Variants in PCSK2 observed in about 807,000 individuals in gnomAD.
PCSK2 encodes the protein proprotein convertase subtilisin/kexin type 2.
PCSK2 carries 14 observed loss-of-function variants against 69.7 expected under a neutral mutation model. The observed-to-expected ratio is 0.20, with a 90% CI of 0.13 to 0.31. The LOEUF (loss-of-function observed/expected upper bound fraction) is 0.31, where lower values mean the gene tolerates loss of function less well. Ranked by LOEUF, PCSK2 falls within the 10% of genes least tolerant of loss-of-function variation. The pLI is 1.00. For synonymous variants in PCSK2, 307 were observed against 320.7 expected, an observed-to-expected ratio of 0.96 and a Z score of 0.46; for missense variants, 544 against 842.5, an observed-to-expected ratio of 0.65 and a Z score of 4.39.
At chr20:17,469,188 T>C (rs890005026) in intron 11 of PCSK2, among the ~76,000 whole-genome samples, 6 of 152,256 alleles carry the variant, frequency 3.9e-5, no homozygotes, top group Admixed American at 3.9e-4. Flanking sequence ...GACAGACTTC[T>C]CTGAGCTCTA....
intron 1 of PCSK2, among the ~76,000 whole-genome samples, chr20:17,231,289 C>T (rs1568562912): frequency 6.6e-6 from 1 of 152,060 alleles, no homozygotes; most frequent in African/African-American, 2.4e-5. Context: ...CATTATGCTG[C>T]CAGGTAGTAA....
chr20:17,259,544 T>C (rs1041597117), intron 1 of PCSK2, among the ~76,000 whole-genome samples: 7 of 152,198 alleles, frequency 4.6e-5, no homozygotes, highest in African/African-American at 1.7e-4. Flanking sequence ...TTACCTTGAA[T>C]CATAGAACAA....
At chr20:17,257,873 G>A (rs999842955) in intron 1 of PCSK2, among the ~76,000 whole-genome samples, 4 of 152,156 alleles carry the variant, frequency 2.6e-5, no homozygotes, top group Non-Finnish European at 4.4e-5. Context: ...GCCTTCAATG[G>A]ACATCTTATT....
chr20:17,352,213 G>A (rs1190062663), intron 2 of PCSK2, among the ~76,000 whole-genome samples: 2 of 152,194 alleles, frequency 1.3e-5, no homozygotes, highest in Admixed American at 6.5e-5. Flanking sequence ...ACACAAACAA[G>A]TGGGAAAGCA....
At chr20:17,450,944 A>C (rs2032810606) in intron 8 of PCSK2, among the ~76,000 whole-genome samples, 1 of 152,030 alleles carries the variant, frequency 6.6e-6, no homozygotes, top group Admixed American at 6.6e-5. Flanking sequence ...CCATCCCATA[A>C]CCAGCTCTCA....
chr20:17,246,170 C>A (rs1986764564), intron 1 of PCSK2, among the ~76,000 whole-genome samples: 1 of 152,178 alleles, frequency 6.6e-6, no homozygotes, highest in African/African-American at 2.4e-5. Context: ...AGAGATAATT[C>A]TTTCCAGCAT....
intron 8 of PCSK2, among the ~76,000 whole-genome samples, chr20:17,437,750 C>T (rs73898550): frequency 0.017 from 2,567 of 152,334 alleles, 33 homozygotes; most frequent in African/African-American, 0.043. Flanking sequence ...TCCTTTACTA[C>T]GCTTGGGATG....
intron 1 of PCSK2, among the ~76,000 whole-genome samples, chr20:17,247,252 G>A (rs1184302290): frequency 6.6e-6 from 1 of 152,126 alleles, no homozygotes; most frequent in African/African-American, 2.4e-5. Flanking sequence ...CTGCCTATAA[G>A]AGATTGCATG....
At chr20:17,422,519 T>G (rs1422211935) in intron 6 of PCSK2, among the ~76,000 whole-genome samples, 1 of 152,112 alleles carries the variant, frequency 6.6e-6, no homozygotes, top group African/African-American at 2.4e-5. Flanking sequence ...CAATTTCAAT[T>G]AAAGTTTCAA....
At chr20:17,437,762 T>G (rs2032513470) in intron 8 of PCSK2, among the ~76,000 whole-genome samples, 1 of 152,216 alleles carries the variant, frequency 6.6e-6, no homozygotes, top group Admixed American at 6.5e-5. Flanking sequence ...CTTGGGATGC[T>G]CTGGGTCAGG....
At chr20:17,283,854 G>C (rs1988412455) in intron 2 of PCSK2, among the ~76,000 whole-genome samples, 1 of 152,154 alleles carries the variant, frequency 6.6e-6, no homozygotes, top group South Asian at 2.1e-4. Context: ...AGCTAGAGTA[G>C]AAATTACTTA....
chr20:17,441,333 T>C (rs2021786), intron 8 of PCSK2, among the ~76,000 whole-genome samples: 100,716 of 151,818 alleles, frequency 0.66, 33,745 homozygotes, highest in African/African-American at 0.75. Flanking sequence ...TGGTTTCTAA[T>C]AAAACCCCTT....
At chr20:17,437,785 G>C (rs925417431) in intron 8 of PCSK2, among the ~76,000 whole-genome samples, 43 of 152,206 alleles carry the variant, frequency 2.8e-4, no homozygotes, top group African/African-American at 1.0e-3. Context: ...TTTGGACCGG[G>C]CACACTGGGG....
At position 17,481,388 on chromosome 20, in the gene PCSK2, CAAAAAAAAAAAAAAAA is replaced by C. The variant is rs3076146; in HGVS notation, c.1431-185_1431-170del. Among the ~76,000 whole-genome samples the C allele has an allele frequency of 2.1e-3, 136 of 65,694 alleles. 3 individuals carry two copies. Among genetic ancestry groups the C allele is most frequent in the Non-Finnish European group, 8.5e-4 (32 of 37,576 alleles). The allele number at this position is 65,694 out of a possible 152,430, so 43.1% of individuals were successfully genotyped here. ...CAGAGTGGGACCCTGTCTCAAAAGA[CAAAAAAAAAAAAAAAA>C]AAAAAAAAAAGAGATAAGTAACTTA... is the stretch of plus-strand genomic sequence containing the variant. On this transcript the variant is annotated intron_variant, in intron 11 of 11. Transcript: ENST00000262545.
At chr20:17,405,031 G>A (rs1008076022) in intron 5 of PCSK2, among the ~76,000 whole-genome samples, 28 of 152,290 alleles carry the variant, frequency 1.8e-4, no homozygotes, top group African/African-American at 6.5e-4. Context: ...AAAGAAAGAG[G>A]ACACAACAGG....
chr20:17,265,320 C>A (rs181408763), intron 2 of PCSK2, among the ~76,000 whole-genome samples: 1 of 152,076 alleles, frequency 6.6e-6, no homozygotes, highest in African/African-American at 2.4e-5. Context: ...AGTTTTAGTG[C>A]CTTTTTAAGG....
intron 10 of PCSK2, chr20:17,464,351 C>A (rs1227088398): frequency 1.3e-5 from 2 of 150,740 alleles, no homozygotes; most frequent in East Asian, 3.9e-4. Flanking sequence ...TTTCCAAAAA[C>A]AATAACATTT....
At chr20:17,419,018 G>A (rs1326736923) in intron 6 of PCSK2, among the ~76,000 whole-genome samples, 3 of 152,202 alleles carry the variant, frequency 2.0e-5, no homozygotes, top group African/African-American at 7.2e-5. Context: ...AAAATAAAAT[G>A]CACTATAGGG....
intron 2 of PCSK2, among the ~76,000 whole-genome samples, chr20:17,313,779 C>T (rs1238188553): frequency 6.6e-6 from 1 of 152,188 alleles, no homozygotes; most frequent in African/African-American, 2.4e-5. Context: ...AATGTTGAGG[C>T]TGACAGGCTG....
Sources: allele counts gnomAD v4.1 joint callset (sites outside exome capture counted in the v4.1 genomes callset), GRCh38; gene constraint gnomAD v4.1.1; transcripts MANE v1.5; gene names NCBI Gene and HGNC (gene_info 2026-07-23, HGNC 2026-07-21).